The following EDIL3 variants were observed in gnomAD, a reference collection of about 807,000 sequenced individuals.
EDIL3 encodes the protein EGF like and discoidin domains 3.
EDIL3 carries 37 observed loss-of-function variants against 67.4 expected under a neutral mutation model. That is an observed-to-expected ratio of 0.55 (90% CI 0.42 to 0.72). The LOEUF (loss-of-function observed/expected upper bound fraction) is 0.72. EDIL3 is among the 30% of genes least tolerant of loss of function. The pLI, the probability that EDIL3 is intolerant of heterozygous loss-of-function variation, is 0.00. For synonymous variants in EDIL3, 195 were observed against 196.3 expected (o/e 0.99, Z 0.05); for missense variants, 527 against 586.3 (o/e 0.90, Z 1.04).
At chr5:84,005,007 A>G (rs1419522206) in intron 9 of EDIL3, among the ~76,000 whole-genome samples, 1 of 152,162 alleles carries the variant, frequency 6.6e-6, no homozygotes, top group Non-Finnish European at 1.5e-5. Context: ...CAACGATGCC[A>G]TTACAATTGA....
At chr5:84,383,278 C>T (rs1459692774) in intron 1 of EDIL3, among the ~76,000 whole-genome samples, 1 of 152,050 alleles carries the variant, frequency 6.6e-6, no homozygotes, top group Non-Finnish European at 1.5e-5. Context: ...CCCCACACAC[C>T]CTGCTGCCCC....
At chr5:84,208,499 G>GA (rs1391750886) in intron 3 of EDIL3, among the ~76,000 whole-genome samples, 1 of 151,096 alleles carries the variant, frequency 6.6e-6, no homozygotes, top group African/African-American at 2.4e-5. Context: ...CTAACAAGGT[G>GA]AAACCCCGTC....
intron 2 of EDIL3, among the ~76,000 whole-genome samples, chr5:84,240,727 A>G (rs1744778691): frequency 6.6e-6 from 1 of 152,308 alleles, no homozygotes; most frequent in East Asian, 1.9e-4. Context: ...GGTGCCAAAA[A>G]GGTTGGGGAC....
At chr5:84,336,180 C>A (rs979150617) in intron 1 of EDIL3, among the ~76,000 whole-genome samples, 2 of 152,048 alleles carry the variant, frequency 1.3e-5, no homozygotes, top group Non-Finnish European at 2.9e-5. Flanking sequence ...GGTAAGAGAA[C>A]ATAGAAGGTG....
intron 1 of EDIL3, among the ~76,000 whole-genome samples, chr5:84,272,576 G>A (rs1215941500): frequency 2.0e-5 from 3 of 151,988 alleles, no homozygotes; most frequent in Admixed American, 1.3e-4. Context: ...ATAAACATGA[G>A]GTTGGCCTTA....
chr5:84,121,676 C>T (rs1375856325), intron 5 of EDIL3, among the ~76,000 whole-genome samples: 1 of 151,756 alleles, frequency 6.6e-6, no homozygotes, highest in East Asian at 1.9e-4. Context: ...AACTGCAAAC[C>T]TTAGACTGAA....
intron 10 of EDIL3, among the ~76,000 whole-genome samples, chr5:83,959,541 A>C (rs1030230670): frequency 4.0e-5 from 6 of 151,024 alleles, no homozygotes; most frequent in African/African-American, 1.2e-4. Context: ...CATCTCACAG[A>C]CACATGTTTT....
At chr5:83,957,276 C>T (rs1023121106) in intron 10 of EDIL3, among the ~76,000 whole-genome samples, 1 of 151,542 alleles carries the variant, frequency 6.6e-6, no homozygotes, top group African/African-American at 2.4e-5. Context: ...TTTGCTTTTC[C>T]CCCTGCTATC....
intron 3 of EDIL3, among the ~76,000 whole-genome samples, chr5:84,225,740 C>A (rs1329627533): frequency 1.3e-5 from 2 of 151,390 alleles, no homozygotes; most frequent in African/African-American, 2.4e-5. Flanking sequence ...TTATAATCGA[C>A]CCAACTCTGT....
At chr5:84,349,330 T>G (rs995947089) in intron 1 of EDIL3, among the ~76,000 whole-genome samples, 4 of 152,152 alleles carry the variant, frequency 2.6e-5, no homozygotes, top group Non-Finnish European at 4.4e-5. Context: ...AGCTTGTTTC[T>G]CCTTCCAAGA....
At chr5:84,348,650 T>C (rs1449397135) in intron 1 of EDIL3, among the ~76,000 whole-genome samples, 7 of 151,744 alleles carry the variant, frequency 4.6e-5, no homozygotes. Context: ...GATGCATGTC[T>C]GTTTGGATTA....
intron 1 of EDIL3, among the ~76,000 whole-genome samples, chr5:84,334,613 C>T (rs1249741323): frequency 2.0e-5 from 3 of 152,032 alleles, no homozygotes; most frequent in Admixed American, 1.3e-4. Flanking sequence ...ATTTTATGTG[C>T]TAGGCAAAAA....
At chr5:84,293,544 G>A (rs1255177797) in intron 1 of EDIL3, among the ~76,000 whole-genome samples, 1 of 151,328 alleles carries the variant, frequency 6.6e-6, no homozygotes, top group Non-Finnish European at 1.5e-5. Flanking sequence ...AAAATGAATC[G>A]TGTCAAGTTC....
At chr5:84,140,527 T>A (rs937278452) in intron 4 of EDIL3, among the ~76,000 whole-genome samples, 3 of 152,036 alleles carry the variant, frequency 2.0e-5, no homozygotes, top group African/African-American at 7.2e-5. Context: ...CTATAAATCA[T>A]CAGCAAAGCA....
intron 1 of EDIL3, among the ~76,000 whole-genome samples, chr5:84,376,282 TTATC>T (rs1203632058): frequency 1.3e-5 from 2 of 152,302 alleles, no homozygotes; most frequent in African/African-American, 4.8e-5. Flanking sequence ...CCTTGTTAAC[TTATC>T]TAAGACTCTT....
intron 1 of EDIL3, among the ~76,000 whole-genome samples, chr5:84,274,562 C>T (rs1312833266): frequency 6.6e-6 from 1 of 151,958 alleles, no homozygotes; most frequent in Admixed American, 6.6e-5. Flanking sequence ...AAAAATAAAA[C>T]CAGCATATGA....
chr5:84,363,500 T>C (rs904561363), intron 1 of EDIL3, among the ~76,000 whole-genome samples: 2 of 152,030 alleles, frequency 1.3e-5, no homozygotes, highest in African/African-American at 4.8e-5. Flanking sequence ...CATATATGAT[T>C]TTGAAATTGA....
chr5:84,130,131 C>T (rs1747936347), intron 5 of EDIL3, among the ~76,000 whole-genome samples: 1 of 152,134 alleles, frequency 6.6e-6, no homozygotes, highest in African/African-American at 2.4e-5. Context: ...TTCTTATGGT[C>T]TCGGCTTTCA....
intron 3 of EDIL3, among the ~76,000 whole-genome samples, chr5:84,189,253 G>T (rs1244818557): frequency 2.6e-5 from 4 of 151,858 alleles, no homozygotes; most frequent in Admixed American, 1.3e-4. Flanking sequence ...GTAGCCAGGG[G>T]ACATCAAGGA....
Sources: gnomAD v4.1 joint callset for allele counts (sites outside exome capture counted in the v4.1 genomes callset) on GRCh38, gnomAD v4.1.1 for gene constraint, MANE v1.5 for transcripts, NCBI Gene and HGNC (gene_info 2026-07-23, HGNC 2026-07-21) for gene names.